Variants in STX16 observed in about 807,000 individuals in gnomAD.
The protein encoded by STX16 is syntaxin-16.
STX16 carries 28 observed loss-of-function variants against 42.7 expected under a neutral mutation model. The observed-to-expected ratio is 0.66, with a 90% confidence interval of 0.49 to 0.90. STX16 has a LOEUF of 0.90. STX16 is among the 40% of genes least tolerant of loss of function. The pLI is 0.00. For synonymous variants in STX16, 156 were observed against 155.2 expected, an observed-to-expected ratio of 1.00 and a Z score of -0.04; for missense variants, 361 against 420.9, an observed-to-expected ratio of 0.86 and a Z score of 1.24.
chr20:58,676,081 T>G (rs1269753898), intron 8 of STX16, 106 bp from the exon 9 acceptor site: 2 of 855,396 alleles, frequency 2.3e-6, no homozygotes, highest in East Asian at 2.4e-5. Flanking sequence ...AGCAGAGACC[T>G]CAGTCACTGT....
chr20:58,651,708 G>A lies in STX16; in HGVS notation c.-299G>A, dbSNP rs2083458825. 3.1e-6 allele frequency: 1 copy of A among 321,870 alleles called. No individual in the cohort carries two copies. The highest frequency in any genetic ancestry group is 5.9e-6 in the Non-Finnish European group (1 of 168,316). 19.9% of individuals were successfully genotyped at this position (321,870 alleles called of 1,614,324 possible). ...CTTGTAGATCCAAGGTTGGATTGGG[G>A]TGGGGTCTCTGGGACGTTGGATCGC... On this transcript the variant is annotated 5_prime_UTR_variant, in exon 1 of 9. In the 5' UTR this introduces an upstream ATG that the reference lacks. Coordinates refer to ENST00000371141, the MANE Select transcript of STX16 (RefSeq NM_001001433.3).
At chr20:58,668,287 G>A (rs2083886577) in intron 4 of STX16, among the ~76,000 whole-genome samples, 160 bp downstream of exon 4, 4 of 152,196 alleles carry the variant, frequency 2.6e-5, no homozygotes, top group Non-Finnish European at 4.4e-5. Flanking sequence ...TGTCAGCGTA[G>A]GTACCTGTGA....
intron 1 of STX16, chr20:58,652,442 C>T (rs2122881077): frequency 4.7e-6 from 2 of 425,602 alleles, no homozygotes; most frequent in Non-Finnish European, 8.6e-6. Context: ...TATGTTTTAA[C>T]GCTAACATTG....
intron 7 of STX16, among the ~76,000 whole-genome samples, 185 bp from the exon 8 acceptor site, chr20:58,673,446 T>C (rs2084029317): frequency 6.6e-6 from 1 of 152,222 alleles, no homozygotes; most frequent in Non-Finnish European, 1.5e-5. Flanking sequence ...ACCAGCATTC[T>C]GCCATCGAGC....
chr20:58,679,158 G>A lies in STX16; in HGVS notation c.*2867G>A, dbSNP rs899763713. 7.2e-5 allele frequency: 11 copies of A among 152,312 alleles called. No homozygotes were observed. Among genetic ancestry groups the A allele is most frequent in the African/African-American group, 2.2e-4 (9 of 41,442 alleles). The allele number at this position is 152,312 out of a possible 1,614,324, so 9.4% of individuals were successfully genotyped here. ...AAAACTGCTGTCTCTTGTTTTGTTC[G>A]TTTTGGGGGTGGTGGTGCTGGCTGG... is the stretch of plus-strand genomic sequence containing the variant. On this transcript the variant is annotated 3_prime_UTR_variant, in exon 9 of 9. Transcript: ENST00000371141.
At chr20:58,659,483 A>G (rs746326250) in intron 1 of STX16, 140 bp from the exon 2 acceptor site, 1 of 672,522 alleles carries the variant, frequency 1.5e-6, no homozygotes, top group Non-Finnish European at 2.4e-6. Context: ...TGCCTTGCTT[A>G]GTGGATCTTT....
intron 1 of STX16, among the ~76,000 whole-genome samples, chr20:58,659,091 A>G (rs1015641919): frequency 6.6e-6 from 1 of 152,256 alleles, no homozygotes; most frequent in Non-Finnish European, 1.5e-5. Flanking sequence ...GGTCACTCAC[A>G]TGTTATCTGA....
chr20:58,666,491 C>G (rs569120502), intron 2 of STX16, among the ~76,000 whole-genome samples: 1 of 144,842 alleles, frequency 6.9e-6, no homozygotes, highest in African/African-American at 2.6e-5. Flanking sequence ...TGCAATGGTA[C>G]GATCATGGCT....
intron 4 of STX16, 119 bp downstream of exon 4, chr20:58,668,246 G>C (rs2083884490): frequency 7.4e-7 from 1 of 1,355,640 alleles, no homozygotes; most frequent in Admixed American, 2.4e-5. Context: ...AGTTCTCAGA[G>C]GGACCTCAAG....
Position 58,677,474 on chromosome 20 carries a change from C to G in STX16, c.*1183C>G, listed in dbSNP as rs1287573052. ...GGGTCAGACCGCCAAAGTAGGACTTCATCGTTTACCTACCTATTATCAATA... is the reference window on the plus strand; with the variant it reads ...GGGTCAGACCGCCAAAGTAGGACTTGATCGTTTACCTACCTATTATCAATA... On this transcript the variant is annotated 3_prime_UTR_variant, in exon 9 of 9. Coordinates refer to ENST00000371141, the MANE Select transcript of STX16 (RefSeq NM_001001433.3). The G allele has an allele frequency of 6.6e-6, 1 of 152,386 alleles. No homozygotes were observed. Among genetic ancestry groups the G allele is most frequent in the Non-Finnish European group, 1.5e-5 (1 of 68,046 alleles). The allele number at this position is 152,386 out of a possible 1,614,324, so 9.4% of individuals were successfully genotyped here.
At chr20:58,656,582 T>C (rs1282480369) in intron 1 of STX16, among the ~76,000 whole-genome samples, 1 of 152,232 alleles carries the variant, frequency 6.6e-6, no homozygotes, top group Non-Finnish European at 1.5e-5. Flanking sequence ...GGATCTAATA[T>C]AGGGGTTGGA....
At chr20:58,670,705 T>A in intron 6 of STX16, 102 bp downstream of exon 6, 1 of 931,004 alleles carries the variant, frequency 1.1e-6, no homozygotes, top group Non-Finnish European at 1.7e-6. Context: ...AGTGGATTGA[T>A]ACAGTTGACT....
rs867855631 is a variant in STX16 at position 58,678,133 on chromosome 20, G to A, written c.*1842G>A. Reference sequence around the variant, plus strand: ...AGTTAGATCTGCTGCTCTTAGGTGTGGGGCTGTCCACATTAGGGAACTTGC... The same window carrying A: ...AGTTAGATCTGCTGCTCTTAGGTGTAGGGCTGTCCACATTAGGGAACTTGC... On this transcript the variant is annotated 3_prime_UTR_variant, in exon 9 of 9. Coordinates refer to ENST00000371141, the MANE Select transcript of STX16 (RefSeq NM_001001433.3). 3 of 152,212 alleles carry A rather than the reference G, an allele frequency of 2.0e-5. No individual in the cohort carries two copies. Among genetic ancestry groups the A allele is most frequent in the Non-Finnish European group, 4.4e-5 (3 of 68,042 alleles). The allele number at this position is 152,212 out of a possible 1,614,324, so 9.4% of individuals were successfully genotyped here.
intron 8 of STX16, among the ~76,000 whole-genome samples, chr20:58,675,834 G>A (rs567207947): frequency 8.5e-5 from 13 of 152,184 alleles, no homozygotes; most frequent in Admixed American, 7.2e-4. Flanking sequence ...CAGGCGACCC[G>A]TGCTGCAGGG....
At chr20:58,656,331 G>T (rs997378111) in intron 1 of STX16, among the ~76,000 whole-genome samples, 2 of 152,166 alleles carry the variant, frequency 1.3e-5, no homozygotes, top group Admixed American at 6.5e-5. Flanking sequence ...CTTAGAAGTA[G>T]CCCCAGTACT....
chr20:58,675,907 A>T (rs2123029532), intron 8 of STX16, among the ~76,000 whole-genome samples: 1 of 152,352 alleles, frequency 6.6e-6, no homozygotes, highest in African/African-American at 2.4e-5. Context: ...ACCCGGAAGC[A>T]TGAGCTTTCA....
intron 1 of STX16, among the ~76,000 whole-genome samples, chr20:58,652,750 GCTAGC>G (rs1429417035): frequency 6.6e-6 from 1 of 152,014 alleles, no homozygotes; most frequent in Non-Finnish European, 1.5e-5. Flanking sequence ...GACTCAAGGT[GCTAGC>G]CTCTTCACTT....
chr20:58,652,662 G>C (rs967269886), intron 1 of STX16, among the ~76,000 whole-genome samples: 4 of 151,798 alleles, frequency 2.6e-5, no homozygotes, highest in Non-Finnish European at 5.9e-5. Flanking sequence ...TTCTTTTAAC[G>C]GCCCCGCAGC....
intron 6 of STX16, among the ~76,000 whole-genome samples, 153 bp downstream of exon 6, chr20:58,670,756 G>A (rs761244934): frequency 3.4e-4 from 51 of 152,232 alleles, no homozygotes; most frequent in Non-Finnish European, 4.4e-5. Flanking sequence ...TGGAAGAACA[G>A]CCGTACTGTT....
Sources: allele counts gnomAD v4.1 joint callset (sites outside exome capture counted in the v4.1 genomes callset), GRCh38; gene constraint gnomAD v4.1.1; transcripts MANE v1.5; gene names NCBI Gene and HGNC (gene_info 2026-07-23, HGNC 2026-07-21).